TAB2: variants seen among roughly 807,000 people sequenced by gnomAD.
The protein encoded by TAB2 is TGF-beta-activated kinase 1 and MAP3K7-binding protein 2.
TAB2 carries 3 observed loss-of-function variants against 65.0 expected under a neutral mutation model. That is an observed-to-expected ratio of 0.05 (90% CI 0.02 to 0.12). The LOEUF is 0.12. Among genes scored for constraint, TAB2 ranks in the 10% least tolerant of loss-of-function variants. The probability of loss-of-function intolerance (pLI) is 1.00; values close to 1 mark genes in which losing one functional copy is unlikely to be tolerated. For missense variants in TAB2, 623 were observed against 840.3 expected (o/e 0.74, Z 3.20); for synonymous variants, 298 against 285.1 (o/e 1.05, Z -0.46).
chr6:149,344,099 G>A (rs1780214219), intron 1 of TAB2, among the ~76,000 whole-genome samples: 1 of 152,198 alleles, frequency 6.6e-6, no homozygotes, highest in Admixed American at 6.5e-5. Flanking sequence ...CACATTATTT[G>A]TTTGGTGTTT....
At chr6:149,253,990 G>T (rs1562389345) in intron 1 of TAB2, among the ~76,000 whole-genome samples, 1 of 138,312 alleles carries the variant, frequency 7.2e-6, no homozygotes, top group African/African-American at 2.7e-5. Context: ...AAGAAAGAAA[G>T]AAAGAAAGAA....
At chr6:149,307,009 AC>A (rs1239731940) in intron 1 of TAB2, among the ~76,000 whole-genome samples, 1 of 152,114 alleles carries the variant, frequency 6.6e-6, no homozygotes. Context: ...TAAACTTGGG[AC>A]CTATATGAAA....
chr6:149,259,174 C>T (rs966030942), intron 1 of TAB2, among the ~76,000 whole-genome samples: 2 of 151,942 alleles, frequency 1.3e-5, no homozygotes, highest in South Asian at 2.1e-4. Context: ...TGGTCATTTT[C>T]GACAGTAACA....
chr6:149,268,237 C>G (rs1378930830), intron 1 of TAB2, among the ~76,000 whole-genome samples: 1 of 152,174 alleles, frequency 6.6e-6, no homozygotes, highest in Non-Finnish European at 1.5e-5. Context: ...TTCTGCTAGT[C>G]TTAGCTCCGC....
At chr6:149,355,614 T>A (rs1780629219) in intron 1 of TAB2, among the ~76,000 whole-genome samples, 1 of 147,702 alleles carries the variant, frequency 6.8e-6, no homozygotes, top group African/African-American at 2.5e-5. Context: ...TTGCAATGAG[T>A]CGAGGTCACA....
chr6:149,399,538 C>CA (rs1562453661), intron 6 of TAB2, among the ~76,000 whole-genome samples: 2 of 151,872 alleles, frequency 1.3e-5, no homozygotes, highest in East Asian at 1.9e-4. Flanking sequence ...GTTCCCCCCC[C>CA]CCATGAGTAT....
intron 1 of TAB2, among the ~76,000 whole-genome samples, chr6:149,222,656 A>G (rs1401050268): frequency 6.6e-6 from 1 of 151,236 alleles, no homozygotes; most frequent in Non-Finnish European, 1.5e-5. Flanking sequence ...TCATATCTCT[A>G]TATGTGCCAT....
At chr6:149,254,104 A>AG (rs1777949967) in intron 1 of TAB2, among the ~76,000 whole-genome samples, 1 of 120,324 alleles carries the variant, frequency 8.3e-6, no homozygotes, top group Non-Finnish European at 1.8e-5. Flanking sequence ...GAAGGAAGGA[A>AG]GGAAGGAAGG....
intron 1 of TAB2, among the ~76,000 whole-genome samples, chr6:149,264,012 T>A (rs1349674246): frequency 6.6e-6 from 1 of 152,224 alleles, no homozygotes; most frequent in Non-Finnish European, 1.5e-5. Context: ...CGTCTCAGTT[T>A]ATGCTGAAGG....
At chr6:149,400,332 T>G (rs1301262468) in intron 6 of TAB2, 5 of 1,559,200 alleles carry the variant, frequency 3.2e-6, no homozygotes, top group Non-Finnish European at 4.4e-6. Context: ...GTGTACTCGT[T>G]AGGTGCGGAC....
In TAB2 at chr6:149,403,269, TATATATATATATATACACAC is replaced by T. The variant is rs1244136930; in HGVS notation, c.1939+4087_1939+4106del. Among the ~76,000 whole-genome samples the T allele has an allele frequency of 8.4e-3, 403 of 47,722 alleles. 10 individuals carry two copies. Among genetic ancestry groups the T allele is most frequent in the South Asian group, 0.034 (45 of 1,322 alleles). 31.3% of individuals were successfully genotyped at this position (47,722 alleles called of 152,430 possible). The stretch of plus-strand genomic sequence containing the variant: ...AAAAATATATATATATATATATATA[TATATATATATATATACACAC>T]ACACACATATATATATATATATATA... On this transcript the variant is annotated intron_variant, in intron 6 of 6. Coordinates refer to ENST00000637181, the MANE Select transcript of TAB2 (RefSeq NM_001292034.3).
At chr6:149,323,831 G>A (rs747325329) in intron 1 of TAB2, among the ~76,000 whole-genome samples, 6 of 152,158 alleles carry the variant, frequency 3.9e-5, no homozygotes, top group Non-Finnish European at 8.8e-5. Context: ...AGGATGAAAA[G>A]TATTTCATTT....
At chr6:149,228,680 G>C (rs568498949) in intron 1 of TAB2, among the ~76,000 whole-genome samples, 1 of 152,240 alleles carries the variant, frequency 6.6e-6, no homozygotes, top group Admixed American at 6.5e-5. Flanking sequence ...AGCAATGTGC[G>C]CTGGCAAAGC....
At chr6:149,309,542 G>A (rs920265751) in intron 1 of TAB2, among the ~76,000 whole-genome samples, 6 of 151,848 alleles carry the variant, frequency 4.0e-5, no homozygotes, top group Admixed American at 6.5e-5. Flanking sequence ...GACTACAGGC[G>A]CCCGCCACCA....
chr6:149,279,581 C>G (rs1023927184), intron 1 of TAB2, among the ~76,000 whole-genome samples: 2 of 152,140 alleles, frequency 1.3e-5, no homozygotes, highest in African/African-American at 2.4e-5. Context: ...GTGGAGACCA[C>G]GGAAGCTGCC....
Position 149,379,437 on chromosome 6 carries a change from G to A in TAB2, c.1522G>A (p.Asp508Asn), listed in dbSNP as rs1200181360. ...VETENIQHLT[D>N]PTLAHVDRIS... ...AACCGAGAATATTCAGCACCTCACG[G>A]ACCCTACATTAGCACATGTGGATAG... Residue 508 changes from aspartate (D) to asparagine (N), a missense_variant, in exon 3 of 7, where the codon GAC becomes AAC. Around this residue, in one of 3 missense-constraint regions of TAB2, gnomAD observed 550 missense variants for 665.7 expected, o/e 0.83. Coordinates refer to ENST00000637181, the MANE Select transcript of TAB2 (RefSeq NM_001292034.3). 6.2e-7 allele frequency: 1 copy of A among 1,613,898 alleles called. No individual in the cohort carries two copies. Among genetic ancestry groups the A allele is most frequent in the Non-Finnish European group, 8.5e-7 (1 of 1,180,022 alleles).
At chr6:149,282,163 CA>C (rs34466629) in intron 1 of TAB2, among the ~76,000 whole-genome samples, 25,616 of 144,512 alleles carry the variant, frequency 0.18, 2,220 homozygotes, top group Admixed American at 0.25. Flanking sequence ...AAGACTCTGT[CA>C]AAAAAAAAAA....
intron 1 of TAB2, chr6:149,291,686 C>T (rs1021465737): frequency 6.6e-6 from 1 of 152,252 alleles, no homozygotes; most frequent in African/African-American, 2.4e-5. Flanking sequence ...CATGGCAAAA[C>T]CCCGTCTCTA....
intron 1 of TAB2, among the ~76,000 whole-genome samples, chr6:149,220,168 C>G (rs497628): frequency 6.6e-6 from 1 of 151,838 alleles, no homozygotes. Flanking sequence ...CAATCTGTTA[C>G]GCTGTCTTGG....
Sources: allele counts gnomAD v4.1 joint callset (sites outside exome capture counted in the v4.1 genomes callset), GRCh38; gene constraint gnomAD v4.1.1; regional missense constraint gnomAD v4.1.1; transcripts MANE v1.5; gene names NCBI Gene and HGNC (gene_info 2026-07-23, HGNC 2026-07-21).